Variants in LRP2 observed in about 807,000 individuals in gnomAD.
LRP2 encodes LDL receptor related protein 2.
A neutral mutation model predicts 531.0 loss-of-function variants in LRP2; 172 were observed. The ratio of observed to expected loss-of-function variants is 0.32; its 90% confidence interval spans 0.29 to 0.37. The LOEUF is 0.37. Among genes scored for constraint, LRP2 ranks in the 10% least tolerant of loss-of-function variants. The pLI is 1.00. For synonymous variants in LRP2, 1,992 were observed against 2,027.6 expected, an observed-to-expected ratio of 0.98 and a Z score of 0.47; for missense variants, 5,167 against 5,868.3, an observed-to-expected ratio of 0.88 and a Z score of 3.90.
chr2:169,226,727 C>A, intron 31 of LRP2, 139 bp from the exon 32 acceptor site: 1 of 725,970 alleles, frequency 1.4e-6, no homozygotes, highest in Non-Finnish European at 2.4e-6. Context: ...TAATGTACTT[C>A]ATCAGACAAG....
At position 169,236,043 on chromosome 2, in the gene LRP2, A is replaced by C. The variant is rs756272877; in HGVS notation, c.4717T>G (p.Trp1573Gly). The C allele has an allele frequency of 6.2e-7, 1 of 1,614,044 alleles. No homozygotes were observed. Among genetic ancestry groups the C allele is most frequent in the Non-Finnish European group, 8.5e-7 (1 of 1,179,930 alleles). ...MNEHLLFWSD[W>G]GHHPRIERAS... The stretch of plus-strand genomic sequence containing the variant: ...CGCTCGATGCGAGGGTGGTGGCCCC[A>C]GTCAGACCAGAACAGTAGATGCTCA... The change falls in exon 29 of 79, where the codon TGG becomes GGG. Residue 1573 changes from tryptophan (W) to glycine (G), a missense_variant. By Grantham distance (184) the Trp-to-Gly change is radical (BLOSUM62 -2). This residue lies in a region of LRP2 where 2,811 missense variants were observed against 3,058.0 expected (regional missense o/e 0.92). Transcript: ENST00000649046.
intron 46 of LRP2, among the ~76,000 whole-genome samples, chr2:169,196,321 T>C (rs1008301841): frequency 6.6e-6 from 1 of 152,238 alleles, no homozygotes; most frequent in Non-Finnish European, 1.5e-5. Flanking sequence ...GAAGATTGTA[T>C]TTTTATATTT....
At chr2:169,204,858 C>T (rs1248202747) in intron 41 of LRP2, among the ~76,000 whole-genome samples, 1 of 152,188 alleles carries the variant, frequency 6.6e-6, no homozygotes, top group Non-Finnish European at 1.5e-5. Flanking sequence ...ATCCCTTCAA[C>T]TATTCCATTA....
chr2:169,276,431 G>A (rs1407291646), intron 13 of LRP2, among the ~76,000 whole-genome samples: 1 of 151,858 alleles, frequency 6.6e-6, no homozygotes, highest in Non-Finnish European at 1.5e-5. Flanking sequence ...ATAATATAAT[G>A]CTAAAACATC....
At chr2:169,128,885 A>G in intron 78 of LRP2, 55 bp from the exon 79 acceptor site, 1 of 1,602,560 alleles carries the variant, frequency 6.2e-7, no homozygotes, top group East Asian at 2.2e-5. Flanking sequence ...GTCACCATAC[A>G]CGGTTTTTCA....
At chr2:169,211,232 G>C (rs4001547) in intron 37 of LRP2, among the ~76,000 whole-genome samples, 133,831 of 152,182 alleles carry the variant, frequency 0.88, 58,984 homozygotes, top group East Asian at 1. Flanking sequence ...CCCCTTCATT[G>C]ACTTCATCCT....
At position 169,158,114 on chromosome 2, in the gene LRP2, A is replaced by G. The variant is rs1355818519; in HGVS notation, c.11888-612T>C. Among the ~76,000 whole-genome samples, 4 of 151,380 alleles carry G rather than the reference A, an allele frequency of 2.6e-5. No homozygotes were observed. The East Asian group carries it at 7.7e-4, about 29-fold the overall frequency. ...CACACACACAAATATATACATGTATATCAAGTGTTGACCAGGGTGCAGTAA... is the reference window on the plus strand; with the variant it reads ...CACACACACAAATATATACATGTATGTCAAGTGTTGACCAGGGTGCAGTAA... On this transcript the variant is annotated intron_variant, in intron 63 of 78. Coordinates refer to ENST00000649046, the MANE Select transcript of LRP2 (RefSeq NM_004525.3).
chr2:169,269,043 C>G (rs1329571089), intron 16 of LRP2, among the ~76,000 whole-genome samples: 10 of 152,132 alleles, frequency 6.6e-5, no homozygotes, highest in Non-Finnish European at 1.5e-4. Context: ...ATCCAACTTA[C>G]AAGGGATGTG....
At chr2:169,175,931 G>C (rs1394209574) in intron 54 of LRP2, among the ~76,000 whole-genome samples, 1 of 152,142 alleles carries the variant, frequency 6.6e-6, no homozygotes, top group Non-Finnish European at 1.5e-5. Context: ...TTATCAATGG[G>C]CCTGTGGACA....
chr2:169,196,961 C>T lies in LRP2; in HGVS notation c.8648G>A (p.Cys2883Tyr). 6.2e-7 allele frequency: 1 copy of T among 1,614,128 alleles called. No individual in the cohort carries two copies. Among genetic ancestry groups the T allele is most frequent in the Non-Finnish European group, 8.5e-7 (1 of 1,179,996 alleles). The change falls in exon 46 of 79, where the codon TGT becomes TAT. Residue 2883 changes from cysteine to tyrosine, a missense_variant. Physicochemically the swap from Cys to Tyr is radical, Grantham distance 194. Transcript: ENST00000649046. ...ATCAAAACAATCTGTTTCTTGATCA[C>T]AATACCAATGTTGAGGAATACAGCG... ...SGRCIPQHWY[C>Y]DQETDCFDAS...
chr2:169,247,039 G>A (rs1690036295), intron 20 of LRP2, 53 bp from the exon 21 acceptor site: 1 of 1,596,378 alleles, frequency 6.3e-7, no homozygotes. Context: ...CACTAGGTAG[G>A]TCACGGGTTT....
chr2:169,153,255 A>G (rs919682650), intron 66 of LRP2, among the ~76,000 whole-genome samples: 2 of 152,248 alleles, frequency 1.3e-5, no homozygotes, highest in African/African-American at 4.8e-5. Context: ...TACTCTTATT[A>G]GGATCAAGTT....
intron 37 of LRP2, 49 bp downstream of exon 37, chr2:169,211,919 A>G (rs376932984): frequency 6.6e-5 from 106 of 1,610,974 alleles, no homozygotes; most frequent in Non-Finnish European, 8.3e-5. Context: ...AGGGATTTCA[A>G]CCTGGTGCCA....
intron 3 of LRP2, among the ~76,000 whole-genome samples, chr2:169,313,631 G>A (rs992042574): frequency 6.6e-6 from 1 of 152,182 alleles, no homozygotes; most frequent in Non-Finnish European, 1.5e-5. Flanking sequence ...ACTGGGAGGT[G>A]TCTCCCAGTT....
intron 12 of LRP2, among the ~76,000 whole-genome samples, chr2:169,278,264 T>G (rs1683609510): frequency 6.6e-6 from 1 of 152,064 alleles, no homozygotes; most frequent in African/African-American, 2.4e-5. Flanking sequence ...ATAGAAGGAT[T>G]GCTTGAGGCC....
chr2:169,314,062 G>C (rs1488966498), intron 3 of LRP2, among the ~76,000 whole-genome samples: 2 of 152,126 alleles, frequency 1.3e-5, no homozygotes, highest in East Asian at 1.9e-4. Flanking sequence ...AATTAGATCT[G>C]TTAAGGAATG....
intron 63 of LRP2, among the ~76,000 whole-genome samples, chr2:169,159,552 A>T (rs1686496245): frequency 6.6e-6 from 1 of 152,164 alleles, no homozygotes; most frequent in South Asian, 2.1e-4. Context: ...TTGTTAAAAC[A>T]TCTATTTAGA....
chr2:169,204,301 T>C, intron 41 of LRP2, 30 bp from the exon 42 acceptor site: 2 of 1,603,658 alleles, frequency 1.2e-6, no homozygotes, highest in South Asian at 2.2e-5. Context: ...AATTTAGAAG[T>C]TGAAATCTCA....
intron 67 of LRP2, among the ~76,000 whole-genome samples, chr2:169,151,320 A>C (rs1235158441): frequency 6.6e-6 from 1 of 152,168 alleles, no homozygotes; most frequent in Non-Finnish European, 1.5e-5. Context: ...AGGAAAGTCA[A>C]ATTTCCAATC....
Sources: gnomAD v4.1 joint callset for allele counts (sites outside exome capture counted in the v4.1 genomes callset) on GRCh38, gnomAD v4.1.1 for gene constraint, gnomAD v4.1.1 regional missense constraint, MANE v1.5 for transcripts, NCBI Gene and HGNC (gene_info 2026-07-23, HGNC 2026-07-21) for gene names.